MACROD2: variants seen among roughly 807,000 people sequenced by gnomAD.
MACROD2 encodes the protein ADP-ribose glycohydrolase MACROD2.
A neutral mutation model predicts 70.4 loss-of-function variants in MACROD2; 36 were observed. The ratio of observed to expected loss-of-function variants is 0.51; its 90% CI spans 0.39 to 0.68. The LOEUF (loss-of-function observed/expected upper bound fraction) is 0.68, where lower values mean the gene tolerates loss of function less well. MACROD2 is among the 30% of genes least tolerant of loss of function. The pLI is 0.00. For synonymous variants in MACROD2, 172 were observed against 178.8 expected (o/e 0.96, Z 0.30); for missense variants, 496 against 538.4 (o/e 0.92, Z 0.78).
rs1228934904 is a variant in MACROD2 at position 14,423,699 on chromosome 20, C to CAA, written c.272-69762_272-69761dup. On this transcript the variant is annotated intron_variant, in intron 3 of 17. Coordinates refer to ENST00000684519, the MANE Select transcript of MACROD2 (RefSeq NM_001351661.2). ...TGGACGACAGAGCGAGACTCTGTCTCAAAAAAAAAAAAAAAAAAAGTTGCT... is the reference window on the plus strand; with the variant it reads ...TGGACGACAGAGCGAGACTCTGTCTCAAAAAAAAAAAAAAAAAAAAAGTTGCT... 6.7e-3 allele frequency among the ~76,000 whole-genome samples: 346 copies of CAA among 51,326 alleles called. 5 individuals are homozygous for CAA. Among genetic ancestry groups the CAA allele is most frequent in the African/African-American group, 0.026 (322 of 12,482 alleles). 33.7% of individuals were successfully genotyped at this position (51,326 alleles called of 152,430 possible).
chr20:15,873,940 A>G (rs2064624182), intron 9 of MACROD2, among the ~76,000 whole-genome samples: 1 of 151,972 alleles, frequency 6.6e-6, no homozygotes, highest in Non-Finnish European at 1.5e-5. Context: ...TTATACTTTA[A>G]GTTCTAGGGT....
chr20:14,981,452 ATGTG>A (rs5840645), intron 5 of MACROD2, among the ~76,000 whole-genome samples: 6,235 of 139,842 alleles, frequency 0.045, 160 homozygotes, highest in Non-Finnish European at 0.052. Flanking sequence ...ATATATATAT[ATGTG>A]TGTGTGTGTC....
chr20:15,641,166 G>C (rs2049453847), intron 8 of MACROD2, among the ~76,000 whole-genome samples: 2 of 152,304 alleles, frequency 1.3e-5, no homozygotes, highest in South Asian at 4.1e-4. Context: ...CATTGCTTCA[G>C]TTGCGAATCA....
At chr20:14,176,838 T>C (rs2081266799) in intron 3 of MACROD2, among the ~76,000 whole-genome samples, 1 of 152,208 alleles carries the variant, frequency 6.6e-6, no homozygotes, top group Non-Finnish European at 1.5e-5. Context: ...CTGTGGGTAA[T>C]GGTAGATTTG....
At chr20:14,664,677 A>G (rs925934288) in intron 4 of MACROD2, among the ~76,000 whole-genome samples, 21 of 152,222 alleles carry the variant, frequency 1.4e-4, no homozygotes, top group Admixed American at 1.4e-3. Flanking sequence ...CTGATATTAG[A>G]TAAAATAATG....
At chr20:14,771,174 T>C (rs1199545789) in intron 5 of MACROD2, among the ~76,000 whole-genome samples, 1 of 152,038 alleles carries the variant, frequency 6.6e-6, no homozygotes, top group African/African-American at 2.4e-5. Context: ...ACATCAGTCT[T>C]CTCCTGTTTT....
chr20:16,003,450 G>C (rs1054144202), intron 15 of MACROD2, among the ~76,000 whole-genome samples: 1 of 152,128 alleles, frequency 6.6e-6, no homozygotes, highest in Non-Finnish European at 1.5e-5. Flanking sequence ...CAAATAAGCA[G>C]AGTTTGGAGG....
intron 5 of MACROD2, among the ~76,000 whole-genome samples, chr20:15,080,409 A>G (rs950201765): frequency 2.0e-5 from 3 of 152,170 alleles, no homozygotes; most frequent in Non-Finnish European, 2.9e-5. Context: ...AGCATCTGAC[A>G]TAATGGTCAC....
At chr20:15,639,457 T>C (rs1227084494) in intron 8 of MACROD2, among the ~76,000 whole-genome samples, 1 of 152,162 alleles carries the variant, frequency 6.6e-6, no homozygotes, top group Non-Finnish European at 1.5e-5. Context: ...TCCTACTCCC[T>C]ACTCTCCTCA....
chr20:14,163,880 A>G (rs531971260), intron 3 of MACROD2, among the ~76,000 whole-genome samples: 1 of 151,426 alleles, frequency 6.6e-6, no homozygotes, highest in East Asian at 2.0e-4. Context: ...TGTTTTTCAG[A>G]GTTCTTCTGT....
intron 4 of MACROD2, among the ~76,000 whole-genome samples, chr20:14,558,372 T>A (rs1979194674): frequency 6.6e-6 from 1 of 151,702 alleles, no homozygotes; most frequent in Non-Finnish European, 1.5e-5. Context: ...GTAAATGGTC[T>A]AAATAAACTA....
chr20:15,910,973 C>T (rs1238592431), intron 10 of MACROD2, among the ~76,000 whole-genome samples: 1 of 152,232 alleles, frequency 6.6e-6, no homozygotes, highest in Non-Finnish European at 1.5e-5. Flanking sequence ...TTCATATTCT[C>T]ACCTCTCTGG....
At chr20:14,476,352 A>G (rs2084594498) in intron 3 of MACROD2, among the ~76,000 whole-genome samples, 1 of 152,018 alleles carries the variant, frequency 6.6e-6, no homozygotes, top group African/African-American at 2.4e-5. Context: ...GTAAACCTTC[A>G]TTTATTACCT....
intron 5 of MACROD2, among the ~76,000 whole-genome samples, chr20:14,868,933 G>T (rs541359841): frequency 6.6e-6 from 1 of 152,250 alleles, no homozygotes; most frequent in South Asian, 2.1e-4. Context: ...GACTATCGTT[G>T]ATACAGGACC....
intron 6 of MACROD2, among the ~76,000 whole-genome samples, chr20:15,387,935 G>A (rs752279608): frequency 1.4e-4 from 21 of 151,440 alleles, no homozygotes; most frequent in Admixed American, 2.6e-4. Context: ...TTTTTTTGTA[G>A]AGACAGGGTC....
At chr20:15,100,763 T>C (rs2075866102) in intron 5 of MACROD2, among the ~76,000 whole-genome samples, 1 of 152,116 alleles carries the variant, frequency 6.6e-6, no homozygotes, top group East Asian at 1.9e-4. Flanking sequence ...TGAAAGCAAA[T>C]GCTGACTCAT....
intron 8 of MACROD2, among the ~76,000 whole-genome samples, chr20:15,525,525 A>T (rs917114017): frequency 1.3e-5 from 2 of 152,250 alleles, no homozygotes; most frequent in Non-Finnish European, 2.9e-5. Context: ...ATTCAGAACC[A>T]CAAGGTCCCT....
chr20:14,700,027 G>T (rs562810611), intron 5 of MACROD2, among the ~76,000 whole-genome samples: 1 of 146,210 alleles, frequency 6.8e-6, no homozygotes, highest in Non-Finnish European at 1.5e-5. Flanking sequence ...AAATCTAGAA[G>T]TTTAAAGTTT....
intron 5 of MACROD2, among the ~76,000 whole-genome samples, chr20:15,015,621 T>C (rs1220966201): frequency 6.6e-6 from 1 of 152,226 alleles, no homozygotes; most frequent in Non-Finnish European, 1.5e-5. Context: ...CTTCAGTACT[T>C]GGAAGAAGGC....
Sources: allele counts gnomAD v4.1 joint callset (sites outside exome capture counted in the v4.1 genomes callset), GRCh38; gene constraint gnomAD v4.1.1; transcripts MANE v1.5; gene names NCBI Gene and HGNC (gene_info 2026-07-23, HGNC 2026-07-21).